KIT: variants seen among roughly 807,000 people sequenced by gnomAD.
KIT encodes the protein mast/stem cell growth factor receptor Kit.
Under a neutral mutation model 105.7 loss-of-function variants are expected in KIT, and 16 were observed. The ratio of observed to expected loss-of-function variants is 0.15; its 90% CI spans 0.10 to 0.23. KIT has a LOEUF of 0.23. Among genes scored for constraint, KIT ranks in the 10% least tolerant of loss-of-function variants. KIT has a pLI of 1.00. For synonymous variants in KIT, 438 were observed against 441.1 expected, an observed-to-expected ratio of 0.99 and a Z score of 0.09; for missense variants, 858 against 1,213.8, an observed-to-expected ratio of 0.71 and a Z score of 4.36.
At position 54,658,044 on chromosome 4, in the gene KIT, T is replaced by C. The variant is rs1406974984; in HGVS notation, c.30T>C (p.Phe10=). 1.2e-6 allele frequency: 2 copies of C among 1,613,710 alleles called. No individual in the cohort carries two copies. The highest frequency in any genetic ancestry group is 1.7e-6 in the Non-Finnish European group (2 of 1,179,828). The change falls in exon 1 of 21, where the codon TTT becomes TTC. Residue 10 remains phenylalanine (F), a synonymous_variant. Coordinates refer to ENST00000288135, the MANE Select transcript of KIT (RefSeq NM_000222.3). MRGARGAWD[F]LCVLLLLLRV... ...GAGGCGCTCGCGGCGCCTGGGATTT[T>C]CTCTGCGTTCTGCTCCTACTGCTTC...
At chr4:54,676,126 T>A (rs1718446261) in intron 1 of KIT, among the ~76,000 whole-genome samples, 1 of 152,174 alleles carries the variant, frequency 6.6e-6, no homozygotes, top group Non-Finnish European at 1.5e-5. Flanking sequence ...CTGGTAAAAT[T>A]GTTTGCTGCG....
At chr4:54,685,898 A>G (rs750832864) in intron 1 of KIT, among the ~76,000 whole-genome samples, 1 of 152,184 alleles carries the variant, frequency 6.6e-6, no homozygotes, top group Non-Finnish European at 1.5e-5. Flanking sequence ...CCACTGCCTT[A>G]GTTTCCCAGC....
chr4:54,727,551 G>C lies in KIT; in HGVS notation c.1774+9G>C. ...AAACAGGCTGAGTTTTGGTCAGTATGAAACAGGGGCTTTCCATGTCACCTT... is the reference window on the plus strand; with the variant it reads ...AAACAGGCTGAGTTTTGGTCAGTATCAAACAGGGGCTTTCCATGTCACCTT... On this transcript the variant is annotated intron_variant, in intron 11 of 20. Transcript: ENST00000288135. The C allele has an allele frequency of 6.2e-7, 1 of 1,614,024 alleles. No homozygotes were observed. The highest frequency in any genetic ancestry group is 8.5e-7 in the Non-Finnish European group (1 of 1,179,954).
At chr4:54,700,469 G>A (rs1047347415) in intron 4 of KIT, among the ~76,000 whole-genome samples, 1 of 152,144 alleles carries the variant, frequency 6.6e-6, no homozygotes, top group African/African-American at 2.4e-5. Context: ...GCTAGTTACT[G>A]AAATTTTATC....
At chr4:54,703,510 G>T (rs543359170) in intron 4 of KIT, among the ~76,000 whole-genome samples, 1 of 152,194 alleles carries the variant, frequency 6.6e-6, no homozygotes, top group Non-Finnish European at 1.5e-5. Context: ...TTTCCCAATC[G>T]TTAATAATGA....
chr4:54,698,585 T>C lies in KIT; in HGVS notation c.619+20T>C, dbSNP rs538006045. On this transcript the variant is annotated intron_variant, in intron 3 of 20. Transcript: ENST00000288135. ...GGCCAGGTACTGGCTCTTTCTTATC[T>C]GCCTCTGGGAGTTGAGAACTCACTT... is the stretch of plus-strand genomic sequence containing the variant. The C allele has an allele frequency of 2.2e-5, 36 of 1,613,558 alleles. No individual in the cohort carries two copies. Among genetic ancestry groups the C allele is most frequent in the Middle Eastern group, 1.7e-4 (1 of 5,824 alleles).
intron 1 of KIT, among the ~76,000 whole-genome samples, chr4:54,679,179 T>C (rs760272767): frequency 7.4e-4 from 113 of 152,292 alleles, no homozygotes; most frequent in South Asian, 2.5e-3. Flanking sequence ...TTCCTGGAAA[T>C]TGGCTCTCTC....
rs111916905 is a variant in KIT at position 54,711,907 on chromosome 4, C to T, written c.1231+2368C>T. Among the ~76,000 whole-genome samples the T allele has an allele frequency of 2.2e-5, 3 of 138,850 alleles. No homozygotes were observed. In the South Asian group the frequency reaches 6.8e-4, roughly 31 times the overall value. The allele number at this position is 138,850 out of a possible 152,430, so 91.1% of individuals were successfully genotyped here. On this transcript the variant is annotated intron_variant, in intron 7 of 20. Transcript: ENST00000288135. ...TCTCACTGTTGCACTCCAGCCTGGG[C>T]GACTGAACGAGAGTCCGTCTCAAAA...
intron 7 of KIT, among the ~76,000 whole-genome samples, chr4:54,716,378 T>C (rs1721498600): frequency 6.6e-6 from 1 of 152,186 alleles, no homozygotes; most frequent in South Asian, 2.1e-4. Flanking sequence ...TACAAAAGCA[T>C]TATGTGAAGG....
chr4:54,700,100 G>A (rs3134884), intron 4 of KIT, among the ~76,000 whole-genome samples: 79,806 of 152,008 alleles, frequency 0.53, 21,070 homozygotes, highest in East Asian at 0.76. Flanking sequence ...TTGATTTAAA[G>A]CTATTGTTGA....
chr4:54,731,800 A>C, intron 15 of KIT, 71 bp from the exon 16 acceptor site: 1 of 1,527,308 alleles, frequency 6.5e-7, no homozygotes, highest in Non-Finnish European at 9.1e-7. Flanking sequence ...TTGGTATGTC[A>C]TTGCCACTGT....
intron 1 of KIT, among the ~76,000 whole-genome samples, chr4:54,669,144 A>G (rs1330786652): frequency 6.6e-6 from 1 of 152,216 alleles, no homozygotes; most frequent in African/African-American, 2.4e-5. Context: ...TAGTCTGTAT[A>G]TGTGCAGCTG....
chr4:54,694,463 ACCTCAGCCTCCCG>A (rs1719920253), intron 1 of KIT, among the ~76,000 whole-genome samples: 3 of 152,062 alleles, frequency 2.0e-5, no homozygotes, highest in African/African-American at 4.8e-5. Flanking sequence ...GTGATCTCCC[ACCTCAGCCTCCCG>A]CCTCAGCCTC....
rs56288823 is a variant in KIT, at chr4:54,738,473, C to T, written c.2847C>T (p.Pro949=). The change falls in exon 21 of 21, where the codon CCC becomes CCT. Residue 949 remains proline, a synonymous_variant. Transcript: ENST00000288135. ...ACTGCAGCCCCAACCGACAGAAGCC[C>T]GTGGTAGACCATTCTGTGCGGATCA... The part of the protein sequence containing the change: ...LANCSPNRQK[P]VVDHSVRINS... 3.4e-3 allele frequency: 5,511 copies of T among 1,614,022 alleles called. 128 individuals are homozygous for T. In the African/African-American group the frequency reaches 0.056, roughly 16 times the overall value.
intron 5 of KIT, among the ~76,000 whole-genome samples, chr4:54,704,447 T>C (rs1365395122): frequency 6.6e-6 from 1 of 152,120 alleles, no homozygotes; most frequent in South Asian, 2.1e-4. Context: ...AGGAGTGCCA[T>C]TGGGACACAG....
chr4:54,733,683 T>C (rs1191723444), intron 17 of KIT, among the ~76,000 whole-genome samples: 1 of 152,176 alleles, frequency 6.6e-6, no homozygotes, highest in East Asian at 1.9e-4. Context: ...GCAAATGTTT[T>C]TCAAAGTGCT....
At chr4:54,678,750 A>G (rs562968722) in intron 1 of KIT, among the ~76,000 whole-genome samples, 1 of 152,278 alleles carries the variant, frequency 6.6e-6, no homozygotes, top group East Asian at 1.9e-4. Context: ...TGCTGAGTAA[A>G]GTTACAAAGC....
intron 7 of KIT, among the ~76,000 whole-genome samples, chr4:54,722,435 A>T (rs1270684537): frequency 1.3e-5 from 2 of 152,150 alleles, no homozygotes; most frequent in East Asian, 1.9e-4. Context: ...AAATTTAGAG[A>T]GATGTAGAAA....
intron 5 of KIT, among the ~76,000 whole-genome samples, chr4:54,705,203 G>A (rs995437107): frequency 1.3e-5 from 2 of 152,114 alleles, no homozygotes; most frequent in African/African-American, 4.8e-5. Flanking sequence ...GTATGTAATC[G>A]GATTTTTAAA....
Sources: allele counts gnomAD v4.1 joint callset (sites outside exome capture counted in the v4.1 genomes callset), GRCh38; gene constraint gnomAD v4.1.1; transcripts MANE v1.5; gene names NCBI Gene and HGNC (gene_info 2026-07-23, HGNC 2026-07-21).